TENM2: variants seen among roughly 807,000 people sequenced by gnomAD.
TENM2 encodes teneurin-2.
In TENM2, 52 loss-of-function variants were observed where a neutral mutation model predicts 245.2. The observed-to-expected ratio is 0.21, with a 90% confidence interval of 0.17 to 0.27. The LOEUF (loss-of-function observed/expected upper bound fraction) is 0.27, where lower values mean the gene tolerates loss of function less well. TENM2 is among the 10% of genes least tolerant of loss of function. The pLI is 1.00. For missense variants in TENM2, 3,046 were observed against 3,666.8 expected (o/e 0.83, Z 4.37); for synonymous variants, 1,363 against 1,438.9 (o/e 0.95, Z 1.19).
At chr5:167,208,041 A>C in the TENM2 span, among the ~76,000 whole-genome samples, 9 of 152,334 alleles carry the variant, frequency 5.9e-5, no homozygotes, top group South Asian at 6.2e-4. Context: ...GGCGTGAGCC[A>C]CCACACCCGG....
intron 6 of TENM2, among the ~76,000 whole-genome samples, chr5:168,059,566 C>A (rs1280922527): frequency 6.6e-6 from 1 of 152,208 alleles, no homozygotes; most frequent in South Asian, 2.1e-4. Context: ...CTTCCCCAGG[C>A]GGCTCTCTTA....
At chr5:167,548,481 A>G (rs905805793) in intron 2 of TENM2, among the ~76,000 whole-genome samples, 1 of 152,036 alleles carries the variant, frequency 6.6e-6, no homozygotes, top group African/African-American at 2.4e-5. Flanking sequence ...CACAGTGGCA[A>G]TGTTTGTAAA....
At chr5:167,912,379 T>C (rs1052790261) in intron 3 of TENM2, among the ~76,000 whole-genome samples, 5 of 152,240 alleles carry the variant, frequency 3.3e-5, no homozygotes, top group African/African-American at 1.2e-4. Context: ...ACATTTTCTT[T>C]ACCCATTCAT....
chr5:167,063,853 A>G, the TENM2 span, among the ~76,000 whole-genome samples: 1 of 152,220 alleles, frequency 6.6e-6, no homozygotes, highest in East Asian at 1.9e-4. Context: ...AATAGCCTAT[A>G]TATTCACACC....
chr5:168,243,601 C>T (rs1195087288), intron 25 of TENM2, among the ~76,000 whole-genome samples: 2 of 152,194 alleles, frequency 1.3e-5, no homozygotes, highest in East Asian at 3.9e-4. Context: ...GGCACCTGTT[C>T]TTAAAGATCA....
At chr5:168,178,893 G>A (rs1000618593) in intron 13 of TENM2, among the ~76,000 whole-genome samples, 2 of 152,110 alleles carry the variant, frequency 1.3e-5, no homozygotes, top group South Asian at 2.1e-4. Flanking sequence ...AAGAGGCTTC[G>A]GGAGGCCGAG....
the TENM2 span, among the ~76,000 whole-genome samples, chr5:167,162,129 A>G: frequency 3.3e-5 from 5 of 151,142 alleles, no homozygotes; most frequent in East Asian, 7.9e-4. Context: ...CTGAGATCAC[A>G]CCACTGCACT....
chr5:167,706,909 G>A (rs1171659355), intron 2 of TENM2, among the ~76,000 whole-genome samples: 1 of 151,468 alleles, frequency 6.6e-6, no homozygotes, highest in African/African-American at 2.4e-5. Context: ...CAGCTACTTG[G>A]GAGGCTGAGG....
At chr5:167,336,989 C>T (rs1339813280) in intron 1 of TENM2, among the ~76,000 whole-genome samples, 5 of 150,126 alleles carry the variant, frequency 3.3e-5, no homozygotes, top group Non-Finnish European at 3.0e-5. Context: ...CGGTGGCGGG[C>T]GCCTGTAGTC....
the TENM2 span, among the ~76,000 whole-genome samples, chr5:167,199,114 A>G: frequency 6.1e-3 from 924 of 151,628 alleles, 10 homozygotes; most frequent in African/African-American, 0.021. Flanking sequence ...AAAAAAAAAA[A>G]AAAAAAGAAA....
chr5:167,372,456 C>G (rs1760495680), intron 1 of TENM2, among the ~76,000 whole-genome samples: 1 of 152,148 alleles, frequency 6.6e-6, no homozygotes, highest in African/African-American at 2.4e-5. Flanking sequence ...CTCTGGAACC[C>G]AGGCCAAAAA....
At chr5:167,385,287 T>C (rs564725856) in intron 2 of TENM2, among the ~76,000 whole-genome samples, 25 of 152,136 alleles carry the variant, frequency 1.6e-4, no homozygotes, top group Non-Finnish European at 2.6e-4. Context: ...TAATTGCTCC[T>C]GTAACTATAG....
At chr5:167,754,679 A>C (rs1762174943) in intron 2 of TENM2, among the ~76,000 whole-genome samples, 1 of 151,832 alleles carries the variant, frequency 6.6e-6, no homozygotes, top group South Asian at 2.1e-4. Flanking sequence ...GCATTCCTGC[A>C]CACACATGTA....
chr5:167,769,823 G>T (rs1006300594), intron 2 of TENM2, among the ~76,000 whole-genome samples: 2 of 152,166 alleles, frequency 1.3e-5, no homozygotes, highest in East Asian at 1.9e-4. Context: ...TCCATTGAGG[G>T]ATGGCTTTCA....
At chr5:167,310,157 T>G (rs1755936907) in intron 1 of TENM2, among the ~76,000 whole-genome samples, 1 of 152,226 alleles carries the variant, frequency 6.6e-6, no homozygotes, top group Non-Finnish European at 1.5e-5. Context: ...ACTGAGCAGT[T>G]TGAGAGGGAT....
chr5:168,036,664 A>ATATGTATGTGTATAT (rs56397479), intron 5 of TENM2, among the ~76,000 whole-genome samples: 4 of 101,336 alleles, frequency 3.9e-5, no homozygotes, highest in Admixed American at 1.1e-4. Context: ...ATATATATAT[A>ATATGTATGTGTATAT]ATATATGTAT....
chr5:167,478,214 A>C (rs1204649043), intron 2 of TENM2, among the ~76,000 whole-genome samples: 2 of 152,202 alleles, frequency 1.3e-5, no homozygotes, highest in East Asian at 3.9e-4. Flanking sequence ...AAAATAAAAC[A>C]ATCCAAATGA....
chr5:167,440,838 G>T (rs1009322657), intron 2 of TENM2, among the ~76,000 whole-genome samples: 11 of 149,396 alleles, frequency 7.4e-5, no homozygotes, highest in African/African-American at 2.5e-4. Context: ...ACTAAGCCAG[G>T]AGCCCAAGTA....
At chr5:167,898,513 T>C (rs1775427115) in intron 3 of TENM2, among the ~76,000 whole-genome samples, 1 of 152,102 alleles carries the variant, frequency 6.6e-6, no homozygotes, top group South Asian at 2.1e-4. Flanking sequence ...TCTGATGTAA[T>C]AGGGCCAGGC....
Sources: gnomAD v4.1 joint callset for allele counts (sites outside exome capture counted in the v4.1 genomes callset) on GRCh38, gnomAD v4.1.1 for gene constraint, MANE v1.5 for transcripts, NCBI Gene and HGNC (gene_info 2026-07-23, HGNC 2026-07-21) for gene names.